The following CACNG4 variants were observed in gnomAD, a reference collection of about 807,000 sequenced individuals.
CACNG4 encodes voltage-dependent calcium channel gamma-4 subunit.
CACNG4 carries 8 observed loss-of-function variants against 22.9 expected under a neutral mutation model. That is an observed-to-expected ratio of 0.35 (90% CI 0.21 to 0.63). The LOEUF (loss-of-function observed/expected upper bound fraction) is 0.63, where lower values mean the gene tolerates loss of function less well. Among genes scored for constraint, CACNG4 ranks in the 30% least tolerant of loss-of-function variants. CACNG4 has a pLI of 0.72. For synonymous variants in CACNG4, 188 were observed against 191.9 expected (o/e 0.98, Z 0.17); for missense variants, 357 against 455.4 (o/e 0.78, Z 1.97).
chr17:66,984,091 A>C lies in CACNG4; in HGVS notation c.220+18960A>C, dbSNP rs981750117. 2.0e-5 allele frequency among the ~76,000 whole-genome samples: 3 copies of C among 152,218 alleles called. No individual in the cohort carries two copies. The highest frequency in any genetic ancestry group is 7.2e-5 in the African/African-American group (3 of 41,456). ...TAGATTATCTTCAGTAAAAATTAAA[A>C]ATAGTAGCCAGCTGCAATGGCTTGA... is the stretch of plus-strand genomic sequence containing the variant. On this transcript the variant is annotated intron_variant, in intron 1 of 3. Coordinates refer to ENST00000262138, the MANE Select transcript of CACNG4 (RefSeq NM_014405.4). The surrounding 1 kb of genome is among the most constrained non-coding windows in gnomAD (Gnocchi z 4.0).
In CACNG4 at chr17:67,030,893, C is replaced by G; in HGVS notation, c.873C>G (p.Ser291Arg). 1 of 1,612,796 alleles carries G rather than the reference C, an allele frequency of 6.2e-7. No individual in the cohort carries two copies. Among genetic ancestry groups the G allele is most frequent in the South Asian group, 1.1e-5 (1 of 91,088 alleles). The stretch of plus-strand genomic sequence containing the variant: ...CCCTCAAGGTGACCACCGCAGCCAG[C>G]TACAGCCCCGACCAGGAGGCCAGCT... ...REPLKVTTAA[S>R]YSPDQEASFL... Residue 291 changes from serine (S) to arginine (R), a missense_variant, in exon 4 of 4, where the codon AGC (serine) becomes AGG (arginine). Around this residue, in one of 3 missense-constraint regions of CACNG4, gnomAD observed 240 missense variants for 277.6 expected, o/e 0.86. Coordinates refer to ENST00000262138, the MANE Select transcript of CACNG4 (RefSeq NM_014405.4). This position sits in a 1 kb window ranked among gnomAD's most constrained non-coding sequence, Gnocchi z 6.4.
intron 1 of CACNG4, 74 bp downstream of exon 1, chr17:66,965,205 C>A: frequency 2.2e-6 from 2 of 893,394 alleles, no homozygotes; most frequent in Non-Finnish European, 3.2e-6. Flanking sequence ...CGCGCGCGCG[C>A]GCGCGCGCAC....
intron 1 of CACNG4, among the ~76,000 whole-genome samples, chr17:67,001,475 T>TA (rs995896599): frequency 6.6e-6 from 1 of 152,142 alleles, no homozygotes; most frequent in African/African-American, 2.4e-5. Flanking sequence ...CGCTGCATCT[T>TA]ACCTTGCTAA....
intron 1 of CACNG4, among the ~76,000 whole-genome samples, chr17:67,009,014 G>C (rs1056939299): frequency 6.6e-6 from 1 of 152,108 alleles, no homozygotes; most frequent in Non-Finnish European, 1.5e-5. Context: ...CTTATGAAAA[G>C]GGGAACTTTG....
chr17:67,011,438 CT>C (rs2035467290), intron 1 of CACNG4, among the ~76,000 whole-genome samples: 2 of 152,286 alleles, frequency 1.3e-5, no homozygotes, highest in South Asian at 4.1e-4. Context: ...ACCCCTTCCC[CT>C]GTCTTCACTC....
intron 1 of CACNG4, among the ~76,000 whole-genome samples, chr17:67,004,930 T>G (rs2035428701): frequency 6.6e-6 from 1 of 152,078 alleles, no homozygotes; most frequent in Admixed American, 6.5e-5. Flanking sequence ...TGCCGTGTTG[T>G]CCGAGCTGGT....
chr17:66,965,591 G>A (rs1465173774), intron 1 of CACNG4, among the ~76,000 whole-genome samples: 7 of 150,862 alleles, frequency 4.6e-5, no homozygotes, highest in Non-Finnish European at 8.9e-5. Context: ...CTTGGCAACC[G>A]GTGTCTGTGC....
Position 67,009,492 on chromosome 17 carries a change from CT to C in CACNG4, c.221-8694del, listed in dbSNP as rs573970719. Among the ~76,000 whole-genome samples, 20 of 149,324 alleles carry C rather than the reference CT, an allele frequency of 1.3e-4. No homozygotes were observed. In the East Asian group the frequency reaches 3.9e-3, roughly 29 times the overall value. ...TGCTGCTCCTATCCCATGCAGCTTC[CT>C]TTAAGAAGGGTACCTCCCTGGGCCT... On this transcript the variant is annotated intron_variant, in intron 1 of 3. Coordinates refer to ENST00000262138, the MANE Select transcript of CACNG4 (RefSeq NM_014405.4).
chr17:67,018,316 A>C (rs753944048), intron 2 of CACNG4, 44 bp downstream of exon 2: 3 of 1,497,912 alleles, frequency 2.0e-6, no homozygotes, highest in Non-Finnish European at 1.9e-6. Flanking sequence ...GGGGAGGCGG[A>C]AGGGTGGGGG....
chr17:66,974,782 C>A (rs973287170), intron 1 of CACNG4, among the ~76,000 whole-genome samples: 3 of 152,202 alleles, frequency 2.0e-5, no homozygotes, highest in Non-Finnish European at 4.4e-5. Flanking sequence ...TCCGCCCCCA[C>A]AGGCCCCAGG....
intron 1 of CACNG4, among the ~76,000 whole-genome samples, chr17:66,976,915 C>CTA (rs1265215078): frequency 2.5e-4 from 38 of 152,338 alleles, no homozygotes; most frequent in East Asian, 7.7e-4. Flanking sequence ...CCCCCTCCGT[C>CTA]TCCAGCCCAC....
At chr17:66,988,904 CA>C (rs575662080) in intron 1 of CACNG4, among the ~76,000 whole-genome samples, 1 of 151,640 alleles carries the variant, frequency 6.6e-6, no homozygotes, top group African/African-American at 2.4e-5. Context: ...ACTAAAAATA[CA>C]AAAAAATTAG....
chr17:66,986,346 C>T (rs574571111), intron 1 of CACNG4, among the ~76,000 whole-genome samples: 101 of 152,088 alleles, frequency 6.6e-4, no homozygotes, highest in Non-Finnish European at 1.2e-3. Flanking sequence ...CTATGCAGGA[C>T]GGAGCGGAGG....
intron 3 of CACNG4, among the ~76,000 whole-genome samples, chr17:67,025,515 A>G (rs8070371): frequency 0.017 from 2,642 of 152,358 alleles, 83 homozygotes; most frequent in African/African-American, 0.061. Flanking sequence ...CAGAGGAAGC[A>G]GAAGTCCAGG....
chr17:66,967,810 C>A (rs2035179264), intron 1 of CACNG4, among the ~76,000 whole-genome samples: 1 of 152,202 alleles, frequency 6.6e-6, no homozygotes, highest in Non-Finnish European at 1.5e-5. Context: ...GATTCAGTTG[C>A]ATGTTCGTGT....
chr17:66,986,641 C>T (rs750158486), intron 1 of CACNG4, among the ~76,000 whole-genome samples: 3 of 152,148 alleles, frequency 2.0e-5, no homozygotes, highest in Non-Finnish European at 4.4e-5. Flanking sequence ...ACAAGGCTTG[C>T]GTCTTAACTA....
chr17:67,014,134 T>C (rs561369519), intron 1 of CACNG4, among the ~76,000 whole-genome samples: 2 of 152,294 alleles, frequency 1.3e-5, no homozygotes, highest in East Asian at 3.9e-4. Context: ...TGTCTCCACC[T>C]CGCGACCTCA....
At chr17:67,014,246 T>A (rs1217578030) in intron 1 of CACNG4, among the ~76,000 whole-genome samples, 1 of 152,196 alleles carries the variant, frequency 6.6e-6, no homozygotes, top group Non-Finnish European at 1.5e-5. Context: ...AGCGAACACA[T>A]GTGAAGTGGA....
rs542896121 is a variant in CACNG4, at chr17:66,998,685, C to A, written c.221-19504C>A. ...CTGGCTGAGCTCACCCAGGGCCAGA[C>A]CCTGGGCCTTGGGCACGCTCTGGGG... On this transcript the variant is annotated intron_variant, in intron 1 of 3. Coordinates refer to ENST00000262138, the MANE Select transcript of CACNG4 (RefSeq NM_014405.4). Among the ~76,000 whole-genome samples, 133 of 152,340 alleles carry A rather than the reference C, an allele frequency of 8.7e-4. 1 individual carries two copies. The highest frequency in any genetic ancestry group is 3.1e-3 in the African/African-American group (128 of 41,590).
Sources: gnomAD v4.1 joint callset for allele counts (sites outside exome capture counted in the v4.1 genomes callset) on GRCh38, gnomAD v4.1.1 for gene constraint, gnomAD v4.1.1 regional missense constraint, Gnocchi (gnomAD v3.1) non-coding constraint, MANE v1.5 for transcripts, NCBI Gene and HGNC (gene_info 2026-07-23, HGNC 2026-07-21) for gene names.